The following KIR2DL4 variants were observed in gnomAD, a reference collection of about 807,000 sequenced individuals.
The protein encoded by KIR2DL4 is killer cell immunoglobulin like receptor, two Ig domains and long cytoplasmic tail 4, also known as killer cell immunoglobulin-like receptor 2DL4.
A neutral mutation model predicts 31.0 loss-of-function variants in KIR2DL4; 41 were observed. That is an observed-to-expected ratio of 1.32 (90% CI 1.03 to 1.72). The LOEUF is 1.72. Among genes scored for constraint, KIR2DL4 ranks in the 40% most tolerant of loss-of-function variants. The pLI is 0.00. For missense variants in KIR2DL4, 438 were observed against 353.7 expected (o/e 1.24, Z -1.91); for synonymous variants, 164 against 133.6 (o/e 1.23, Z -1.57).
At chr19:54,812,055 T>C (rs1377905614) in intron 5 of KIR2DL4, among the ~76,000 whole-genome samples, 2 of 151,256 alleles carry the variant, frequency 1.3e-5, no homozygotes, top group African/African-American at 2.4e-5. Flanking sequence ...GGGTTGTGGA[T>C]GTAGAAACTG....
chr19:54,807,290 A>G (rs1440422726), intron 4 of KIR2DL4, among the ~76,000 whole-genome samples: 1 of 150,736 alleles, frequency 6.6e-6, no homozygotes, highest in Non-Finnish European at 1.5e-5. Flanking sequence ...AGGTAGGTTG[A>G]CTCCACATCT....
exon 8 of KIR2DL4, chr19:54,813,893 T>G: frequency 6.2e-7 from 1 of 1,612,512 alleles, no homozygotes; most frequent in Non-Finnish European, 8.5e-7. Context: ...GTTGGATCAC[T>G]GCATTTTCAC....
chr19:54,811,421 T>C (rs1020634949), intron 5 of KIR2DL4, among the ~76,000 whole-genome samples: 6 of 151,166 alleles, frequency 4.0e-5, no homozygotes, highest in African/African-American at 1.5e-4. Context: ...AAAGAATACA[T>C]AAATATAATA....
At chr19:54,804,819 G>A in exon 3 of KIR2DL4, 1 of 1,612,256 alleles carries the variant, frequency 6.2e-7, no homozygotes, top group Non-Finnish European at 8.5e-7. Context: ...CTTCTGCTCT[G>A]CCTGGCCCAG....
rs759645440 is a variant in KIR2DL4, at chr19:54,803,929, G to T, written c.76+3G>T. ...CCAGAGTGTGTGGGCACACGTGGGT[G>T]AGTCCTTCCCCAAATGATGGGTTGC... On this transcript the variant is annotated splice_donor_region_variant and intron_variant, in intron 2 of 7. Coordinates refer to ENST00000359085, the Ensembl canonical transcript of KIR2DL4. The T allele has an allele frequency of 3.7e-6, 6 of 1,609,234 alleles. No individual in the cohort carries two copies. The highest frequency in any genetic ancestry group is 1.7e-4 in the Middle Eastern group (1 of 6,012).
exon 4 of KIR2DL4, chr19:54,806,130 G>T (rs546044168): frequency 1.6e-5 from 25 of 1,611,982 alleles, no homozygotes; most frequent in African/African-American, 2.7e-5. Flanking sequence ...ATTCCAGGCC[G>T]ACTTCCCTCT....
chr19:54,813,441 C>A, intron 6 of KIR2DL4: 1 of 767,574 alleles, frequency 1.3e-6, no homozygotes, highest in Non-Finnish European at 2.1e-6. Flanking sequence ...ACGTCCCCTG[C>A]AGCCACTCAC....
At chr19:54,810,677 G>A (rs2060811705) in intron 5 of KIR2DL4, among the ~76,000 whole-genome samples, 1 of 151,312 alleles carries the variant, frequency 6.6e-6, no homozygotes, top group Non-Finnish European at 1.5e-5. Context: ...ACTGTGGAGA[G>A]ACAGAGAGCA....
At chr19:54,804,265 G>A (rs1601111739) in intron 2 of KIR2DL4, among the ~76,000 whole-genome samples, 1 of 151,054 alleles carries the variant, frequency 6.6e-6, no homozygotes, top group South Asian at 2.1e-4. Flanking sequence ...GGTGTGTGGG[G>A]GGATGTGGTG....
intron 4 of KIR2DL4, 68 bp downstream of exon 4, chr19:54,806,312 A>T: frequency 6.8e-7 from 1 of 1,470,850 alleles, no homozygotes; most frequent in Non-Finnish European, 9.3e-7. Context: ...CTTCCTGCTG[A>T]TGATGGAGAG....
At chr19:54,804,923 T>C (rs761986769) in exon 3 of KIR2DL4, 2 of 1,612,340 alleles carry the variant, frequency 1.2e-6, no homozygotes, top group Non-Finnish European at 1.7e-6. Context: ...ATGGGGTCCC[T>C]GTCCCTGAGC....
At chr19:54,811,552 T>C (rs771109691) in intron 5 of KIR2DL4, among the ~76,000 whole-genome samples, 1 of 151,110 alleles carries the variant, frequency 6.6e-6, no homozygotes, top group Non-Finnish European at 1.5e-5. Flanking sequence ...TCTTCCTTAT[T>C]TGGCTTTCTG....
chr19:54,814,490 C>T, exon 8 of KIR2DL4: 1 of 265,854 alleles, frequency 3.8e-6, no homozygotes, highest in Non-Finnish European at 7.2e-6. Context: ...GTAGTTCTCT[C>T]CTCTTCAAAT....
chr19:54,806,214 C>G (rs1051456), exon 4 of KIR2DL4: 443,485 of 1,583,472 alleles, frequency 0.28, 71,690 homozygotes, highest in African/African-American at 0.52. Flanking sequence ...GTGGTCAGAC[C>G]CGAGTGACCC....
In KIR2DL4 at chr19:54,807,808, A is replaced by G. The variant is rs2060617329; in HGVS notation, c.656-1025A>G. Among the ~76,000 whole-genome samples, 2 of 148,252 alleles carry G rather than the reference A, an allele frequency of 1.3e-5. 1 individual carries two copies. The highest frequency in any genetic ancestry group is 3.0e-5 in the Non-Finnish European group (2 of 67,558). On this transcript the variant is annotated intron_variant, in intron 4 of 7. Transcript: ENST00000359085. The stretch of plus-strand genomic sequence containing the variant: ...GGCTGTATTAATTTACATTCCTATC[A>G]ACAGTGTATTAGGGTTCTCCTTTCT...
intron 4 of KIR2DL4, among the ~76,000 whole-genome samples, chr19:54,806,787 C>T (rs2060557482): frequency 6.7e-6 from 1 of 150,234 alleles, no homozygotes; most frequent in Admixed American, 6.6e-5. Flanking sequence ...GCAGGTGGAT[C>T]ATTTAAAATC....
At chr19:54,811,497 T>G (rs1199417181) in intron 5 of KIR2DL4, among the ~76,000 whole-genome samples, 1 of 151,296 alleles carries the variant, frequency 6.6e-6, no homozygotes, top group Non-Finnish European at 1.5e-5. Flanking sequence ...CTATAATGAC[T>G]TCTTTGATCC....
At chr19:54,805,147 C>T in intron 3 of KIR2DL4, 70 bp downstream of exon 3, 2 of 1,436,878 alleles carry the variant, frequency 1.4e-6, no homozygotes, top group East Asian at 2.3e-5. Flanking sequence ...GTGGGGGTGT[C>T]CACCAGAGTC....
Position 54,804,990 on chromosome 19 carries a change from G to A in KIR2DL4, c.274G>A (p.Ala92Thr), listed in dbSNP as rs201505271. The change falls in exon 3 of 8, where the codon GCA (alanine) becomes ACA (threonine). Residue 92 changes from alanine (A) to threonine (T), a missense_variant. Physicochemically the swap from Ala to Thr is moderately conservative, Grantham distance 58. Transcript: ENST00000359085. ...CATTAGCCCTGTGACCCCAGCACACGCAGGGACCTACAGATGTCGAGGTTT... is the reference window on the plus strand; with the variant it reads ...CATTAGCCCTGTGACCCCAGCACACACAGGGACCTACAGATGTCGAGGTTT... The A allele has an allele frequency of 6.5e-5, 105 of 1,611,802 alleles. 1 individual carries two copies. Among genetic ancestry groups the A allele is most frequent in the South Asian group, 5.7e-4 (52 of 90,654 alleles).
Sources: allele counts gnomAD v4.1 joint callset (sites outside exome capture counted in the v4.1 genomes callset), GRCh38; gene constraint gnomAD v4.1.1; transcripts MANE v1.5; gene names NCBI Gene and HGNC (gene_info 2026-07-23, HGNC 2026-07-21).